The following PIK3C2G variants were observed in gnomAD, a reference collection of about 807,000 sequenced individuals.
PIK3C2G encodes the protein phosphatidylinositol 3-kinase C2 domain-containing subunit gamma.
Under a neutral mutation model 181.1 loss-of-function variants are expected in PIK3C2G, and 168 were observed. The observed-to-expected ratio is 0.93, with a 90% CI of 0.82 to 1.05. The LOEUF (loss-of-function observed/expected upper bound fraction) is 1.05. Ranked by LOEUF, PIK3C2G falls within the 50% of genes least tolerant of loss-of-function variation. The pLI is 0.00. For missense variants in PIK3C2G, 1,869 were observed against 1,732.8 expected (o/e 1.08, Z -1.40); for synonymous variants, 573 against 592.2 (o/e 0.97, Z 0.47).
In PIK3C2G at chr12:18,424,003, C is replaced by G. The variant is rs1318965213; in HGVS notation, c.2468C>G (p.Ser823Cys). The G allele has an allele frequency of 1.9e-6, 3 of 1,611,512 alleles. No homozygotes were observed. Among genetic ancestry groups the G allele is most frequent in the Non-Finnish European group, 2.5e-6 (3 of 1,178,700 alleles). ...SPLVQLLLHR[S>C]LQSIQVAHRL... ...TTAGTGCAACTTCTACTCCACCGCTCCTTGCAGAGCATCCAGGTTGCCCAT... is the reference window on the plus strand; with the variant it reads ...TTAGTGCAACTTCTACTCCACCGCTGCTTGCAGAGCATCCAGGTTGCCCAT... Residue 823 changes from serine (S) to cysteine (C), a missense_variant, in exon 18 of 33, where the codon TCC (serine) becomes TGC (cysteine). Physicochemically the swap from Ser to Cys is moderately radical, Grantham distance 112. Coordinates refer to ENST00000538779, the MANE Select transcript of PIK3C2G (RefSeq NM_001288772.2).
At chr12:18,436,653 T>G (rs1223808358) in intron 18 of PIK3C2G, among the ~76,000 whole-genome samples, 1 of 151,994 alleles carries the variant, frequency 6.6e-6, no homozygotes, top group African/African-American at 2.4e-5. Flanking sequence ...ACAGGTTAAT[T>G]TACCTTGACT....
intron 18 of PIK3C2G, among the ~76,000 whole-genome samples, chr12:18,444,433 T>A (rs1946917417): frequency 6.6e-6 from 1 of 152,188 alleles, no homozygotes; most frequent in Admixed American, 6.6e-5. Context: ...TAGTAAATAC[T>A]TATCAGTATT....
At chr12:18,622,241 C>A (rs1948894380) in intron 31 of PIK3C2G, among the ~76,000 whole-genome samples, 1 of 151,826 alleles carries the variant, frequency 6.6e-6, no homozygotes, top group Admixed American at 6.6e-5. Flanking sequence ...TTGTTAACTG[C>A]CATTCTACTC....
the PIK3C2G span, chr12:18,692,938 C>T: frequency 1.6e-3 from 2,447 of 1,534,474 alleles, 6 homozygotes; most frequent in Non-Finnish European, 2.0e-3. Context: ...CTGGTGACAC[C>T]TCACACTCAG....
chr12:18,708,446 T>C, the PIK3C2G span, among the ~76,000 whole-genome samples: 1 of 152,226 alleles, frequency 6.6e-6, no homozygotes, highest in Non-Finnish European at 1.5e-5. Flanking sequence ...ATCATGTCTA[T>C]TGTGAACAAT....
chr12:18,371,726 A>C (rs1193209426), intron 13 of PIK3C2G, among the ~76,000 whole-genome samples: 1 of 152,196 alleles, frequency 6.6e-6, no homozygotes, highest in African/African-American at 2.4e-5. Context: ...TGAAGAAGAA[A>C]TATTTAGTAA....
At chr12:18,548,898 C>T (rs535344064) in intron 26 of PIK3C2G, among the ~76,000 whole-genome samples, 9 of 152,072 alleles carry the variant, frequency 5.9e-5, no homozygotes, top group East Asian at 5.8e-4. Flanking sequence ...TCCAACTACC[C>T]GCCCCCTGTC....
intron 18 of PIK3C2G, among the ~76,000 whole-genome samples, chr12:18,469,386 G>T (rs1278836599): frequency 6.6e-6 from 1 of 152,070 alleles, no homozygotes; most frequent in Non-Finnish European, 1.5e-5. Flanking sequence ...CCCCTGCTGG[G>T]GGGAAAATGT....
chr12:18,341,322 C>T (rs1328277678), intron 9 of PIK3C2G, among the ~76,000 whole-genome samples: 1 of 152,098 alleles, frequency 6.6e-6, no homozygotes, highest in Non-Finnish European at 1.5e-5. Context: ...AATTATAATA[C>T]TCAAGAAAAA....
At chr12:18,548,784 AACTAGGAC>A (rs1270528153) in intron 26 of PIK3C2G, among the ~76,000 whole-genome samples, 1 of 152,060 alleles carries the variant, frequency 6.6e-6, no homozygotes, top group East Asian at 1.9e-4. Context: ...AAATTATGGA[AACTAGGAC>A]ACATCATTTC....
intron 31 of PIK3C2G, among the ~76,000 whole-genome samples, chr12:18,640,036 T>C (rs905620743): frequency 1.6e-4 from 24 of 152,056 alleles, no homozygotes; most frequent in Admixed American, 1.5e-3. Flanking sequence ...TATATTGAAC[T>C]TGAATTTTTT....
intron 29 of PIK3C2G, among the ~76,000 whole-genome samples, chr12:18,573,477 C>T (rs187151445): frequency 1.3e-5 from 2 of 152,248 alleles, no homozygotes; most frequent in African/African-American, 4.8e-5. Context: ...TCAACTGCTC[C>T]CACTTGTGTG....
chr12:18,629,843 A>G (rs929144543), intron 31 of PIK3C2G, among the ~76,000 whole-genome samples: 6 of 152,316 alleles, frequency 3.9e-5, no homozygotes, highest in East Asian at 3.9e-4. Flanking sequence ...TATGATAGAC[A>G]TTTTATTCCT....
chr12:18,260,443 C>T (rs1948203639), upstream of PIK3C2G, among the ~76,000 whole-genome samples: 1 of 151,984 alleles, frequency 6.6e-6, no homozygotes, highest in Non-Finnish European at 1.5e-5. Context: ...TGTGACATCA[C>T]CCTCCACTTC....
At chr12:18,681,075 G>A in the PIK3C2G span, among the ~76,000 whole-genome samples, 2 of 151,946 alleles carry the variant, frequency 1.3e-5, no homozygotes, top group Non-Finnish European at 2.9e-5. Flanking sequence ...GTCGTGTTCC[G>A]TCATGGTACA....
At chr12:18,483,327 GC>G (rs1414263413) in intron 18 of PIK3C2G, among the ~76,000 whole-genome samples, 1 of 152,074 alleles carries the variant, frequency 6.6e-6, no homozygotes, top group Non-Finnish European at 1.5e-5. Flanking sequence ...TACTCAGAGA[GC>G]ATCTCCTATC....
At chr12:18,351,511 A>G (rs956270585) in intron 11 of PIK3C2G, among the ~76,000 whole-genome samples, 1 of 152,166 alleles carries the variant, frequency 6.6e-6, no homozygotes, top group African/African-American at 2.4e-5. Flanking sequence ...ACATTCTAAG[A>G]GTTTTGCTGA....
chr12:18,591,410 T>A (rs908801900), intron 29 of PIK3C2G, among the ~76,000 whole-genome samples: 10 of 151,836 alleles, frequency 6.6e-5, no homozygotes, highest in Non-Finnish European at 4.4e-5. Flanking sequence ...CATAAGGGAA[T>A]AAGTCACAAT....
At chr12:18,423,413 G>A (rs1214917822) in intron 17 of PIK3C2G, among the ~76,000 whole-genome samples, 1 of 152,032 alleles carries the variant, frequency 6.6e-6, no homozygotes, top group Admixed American at 6.6e-5. Context: ...CTACCCAGTT[G>A]AGTATCCTAA....
Sources: gnomAD v4.1 joint callset for allele counts (sites outside exome capture counted in the v4.1 genomes callset) on GRCh38, gnomAD v4.1.1 for gene constraint, MANE v1.5 for transcripts, NCBI Gene and HGNC (gene_info 2026-07-23, HGNC 2026-07-21) for gene names.